Variants in LRRCC1 observed in about 807,000 individuals in gnomAD.
The protein encoded by LRRCC1 is leucine rich repeat and coiled-coil centrosomal protein 1.
A neutral mutation model predicts 126.0 loss-of-function variants in LRRCC1; 115 were observed. The observed-to-expected ratio is 0.91, with a 90% CI of 0.78 to 1.07. The LOEUF (loss-of-function observed/expected upper bound fraction) is 1.07, where lower values mean the gene tolerates loss of function less well. LRRCC1 is among the 50% of genes least tolerant of loss of function. LRRCC1 has a pLI of 0.00. For synonymous variants in LRRCC1, 400 were observed against 393.4 expected (o/e 1.02, Z -0.20); for missense variants, 1,172 against 1,175.7 (o/e 1.00, Z 0.05).
intron 18 of LRRCC1, among the ~76,000 whole-genome samples, chr8:85,142,022 G>A (rs1053464758): frequency 3.9e-5 from 6 of 152,136 alleles, no homozygotes; most frequent in African/African-American, 1.2e-4. Flanking sequence ...CAGGCCGGGC[G>A]CAGTGGCTCA....
At chr8:85,140,990 T>TGGGA (rs1162340642) in intron 17 of LRRCC1, among the ~76,000 whole-genome samples, 2 of 152,042 alleles carry the variant, frequency 1.3e-5, no homozygotes, top group Non-Finnish European at 2.9e-5. Context: ...CACTTGAACC[T>TGGGA]GGGAGCCAGA....
In LRRCC1 at chr8:85,126,752, A is replaced by G; in HGVS notation, c.1336A>G (p.Lys446Glu). The change falls in exon 9 of 19, where the codon AAA becomes GAA. Residue 446 changes from lysine to glutamate, a missense_variant. Coordinates refer to ENST00000360375, the MANE Select transcript of LRRCC1 (RefSeq NM_033402.5). ...ATGGAGAGCTGAGCAAGCCGAAAAT[A>G]AACTCATGGATTATATTGATGAGCT... ...KRWRAEQAEN[K>E]LMDYIDELHK... 2 of 1,613,248 alleles carry G rather than the reference A, an allele frequency of 1.2e-6. No homozygotes were observed. The highest frequency in any genetic ancestry group is 1.7e-6 in the Non-Finnish European group (2 of 1,179,866).
Position 85,112,833 on chromosome 8 carries a change from C to T in LRRCC1, c.377-99C>T, listed in dbSNP as rs74944182. 3.1e-3 allele frequency: 2,326 copies of T among 749,552 alleles called. 45 individuals are homozygous for T. The African/African-American group carries it at 0.037, about 12-fold the overall frequency. 46.4% of individuals were successfully genotyped at this position (749,552 alleles called of 1,614,324 possible). Reference sequence around the variant, plus strand: ...GTTCACAGCAAGATCTAATGCTGCCCGTTTGCCTCTAAAAGTATAACCTAT... The same window carrying T: ...GTTCACAGCAAGATCTAATGCTGCCTGTTTGCCTCTAAAAGTATAACCTAT... On this transcript the variant is annotated intron_variant, in intron 3 of 18. Coordinates refer to ENST00000360375, the MANE Select transcript of LRRCC1 (RefSeq NM_033402.5).
At chr8:85,115,899 T>A (rs1180727232) in intron 6 of LRRCC1, among the ~76,000 whole-genome samples, 1 of 152,226 alleles carries the variant, frequency 6.6e-6, no homozygotes, top group African/African-American at 2.4e-5. Context: ...GAGAAACTCT[T>A]TGGACTCAGT....
chr8:85,107,362 TG>T lies in LRRCC1; in HGVS notation c.68del (p.Cys23SerfsTer19). 1 of 1,613,864 alleles carries T rather than the reference TG, an allele frequency of 6.2e-7. No individual in the cohort carries two copies. The highest frequency in any genetic ancestry group is 8.5e-7 in the Non-Finnish European group (1 of 1,179,826). On this transcript the variant is annotated frameshift_variant, in exon 1 of 19. Coordinates refer to ENST00000360375, the MANE Select transcript of LRRCC1 (RefSeq NM_033402.5). LOFTEE classifies it high-confidence loss of function. ...GGAAAACGAAGACGGCGACAGCAGC[TG>T]CGGGGATGTATGCTTCATGGACAAA... is the stretch of plus-strand genomic sequence containing the variant. Reference protein sequence around the residue: ...EVENEDGDSSCGDVCFMDKGL... With the variant: ...EVENEDGDSSXGDVCFMDKGL...
At chr8:85,117,219 T>A (rs1404378906) in intron 6 of LRRCC1, among the ~76,000 whole-genome samples, 1 of 152,222 alleles carries the variant, frequency 6.6e-6, no homozygotes, top group Non-Finnish European at 1.5e-5. Flanking sequence ...ATCATTTATT[T>A]AAAAGTACTT....
Position 85,135,964 on chromosome 8 carries a change from G to A in LRRCC1, c.2329+1G>A. ...TGGGGACATGAGCTGGCACAACAAG[G>A]TAAAATTCTCAGATTTTCAAAGGGA... On this transcript the variant is annotated splice_donor_variant, in intron 14 of 18. Coordinates refer to ENST00000360375, the MANE Select transcript of LRRCC1 (RefSeq NM_033402.5). LOFTEE classifies it high-confidence loss of function. The A allele has an allele frequency of 6.4e-7, 1 of 1,552,858 alleles. No homozygotes were observed. Among genetic ancestry groups the A allele is most frequent in the Non-Finnish European group, 8.7e-7 (1 of 1,151,222 alleles).
intron 5 of LRRCC1, 43 bp downstream of exon 5, chr8:85,115,318 CA>C: frequency 6.4e-7 from 1 of 1,562,002 alleles, no homozygotes; most frequent in South Asian, 1.2e-5. Context: ...AAAATACCTT[CA>C]AATTTCAATA....
chr8:85,114,355 G>C (rs1330717059), intron 4 of LRRCC1, among the ~76,000 whole-genome samples: 1 of 151,788 alleles, frequency 6.6e-6, no homozygotes, highest in Non-Finnish European at 1.5e-5. Context: ...AGAATTGAGA[G>C]GTAACTTATT....
intron 14 of LRRCC1, among the ~76,000 whole-genome samples, chr8:85,137,137 G>T (rs929981878): frequency 6.6e-6 from 1 of 152,100 alleles, no homozygotes; most frequent in African/African-American, 2.4e-5. Flanking sequence ...AAGATATTTG[G>T]TCTTAATGGA....
At chr8:85,109,861 TC>T (rs1808564150) in intron 2 of LRRCC1, 61 bp downstream of exon 2, 5 of 855,322 alleles carry the variant, frequency 5.8e-6, no homozygotes, top group Non-Finnish European at 8.9e-6. Flanking sequence ...TCCATTTTTT[TC>T]CCCAAAAGAA....
At chr8:85,116,893 T>A (rs1193077851) in intron 6 of LRRCC1, among the ~76,000 whole-genome samples, 2 of 152,106 alleles carry the variant, frequency 1.3e-5, no homozygotes, top group African/African-American at 2.4e-5. Flanking sequence ...TCCATAGAGA[T>A]TTCAGTTTGA....
At chr8:85,140,042 G>A (rs1270435604) in intron 17 of LRRCC1, among the ~76,000 whole-genome samples, 1 of 152,070 alleles carries the variant, frequency 6.6e-6, no homozygotes, top group African/African-American at 2.4e-5. Flanking sequence ...TTTACAATTA[G>A]GAGTCTTTGA....
Position 85,141,510 on chromosome 8 carries a change from AT to A in LRRCC1, c.2972del (p.Leu991Ter). 1 of 1,602,776 alleles carries A rather than the reference AT, an allele frequency of 6.2e-7. No homozygotes were observed. ...AAGCAGAAGTGTATTGATTCTGCAA[AT>A]TTAAAGGTATTGTAAGTAAAATTCA... Reference protein sequence around the residue: ...NEKQKCIDSANLKVHQIEKEM... With the variant: ...NEKQKCIDSAXLKVHQIEKEM... On this transcript the variant is annotated frameshift_variant, in exon 18 of 19. Coordinates refer to ENST00000360375, the MANE Select transcript of LRRCC1 (RefSeq NM_033402.5). LOFTEE classifies it high-confidence loss of function.
chr8:85,126,247 A>G lies in LRRCC1; in HGVS notation c.1273-442A>G, dbSNP rs76559735. 7.5e-3 allele frequency among the ~76,000 whole-genome samples: 1,139 copies of G among 152,266 alleles called. 8 individuals carry two copies. The highest frequency in any genetic ancestry group is 0.026 in the African/African-American group (1,085 of 41,552). On this transcript the variant is annotated intron_variant, in intron 8 of 18. Coordinates refer to ENST00000360375, the MANE Select transcript of LRRCC1 (RefSeq NM_033402.5). ...CAGGCACTGTTCTGCACTTACCTAC[A>G]TGCTTTGCTACCAGTAACATAATTT...
intron 18 of LRRCC1, among the ~76,000 whole-genome samples, chr8:85,144,294 A>G (rs984587443): frequency 1.3e-5 from 2 of 151,964 alleles, no homozygotes; most frequent in Non-Finnish European, 2.9e-5. Flanking sequence ...TAAGCAGTAT[A>G]GGACTGTAGA....
intron 1 of LRRCC1, chr8:85,107,692 C>A: frequency 3.7e-6 from 1 of 267,484 alleles, no homozygotes. Flanking sequence ...ACCACTCTTT[C>A]CTTCTGCTGG....
rs1220755143 is a variant in LRRCC1 at position 85,115,558 on chromosome 8, G to A, written c.904G>A (p.Asp302Asn). ...TGAGATAAAACTTCAGAAATTAGATGACCAAATTCTACAACTTCTAAATGA... is the reference window on the plus strand; with the variant it reads ...TGAGATAAAACTTCAGAAATTAGATAACCAAATTCTACAACTTCTAAATGA... ...QNEIKLQKLD[D>N]QILQLLNETS... The change falls in exon 6 of 19, where the codon GAC (aspartate) becomes AAC (asparagine). Residue 302 changes from aspartate to asparagine, a missense_variant. Asp to Asn is a conservative substitution (Grantham distance 23, BLOSUM62 1). Coordinates refer to ENST00000360375, the MANE Select transcript of LRRCC1 (RefSeq NM_033402.5). The A allele has an allele frequency of 3.1e-6, 5 of 1,608,390 alleles. No homozygotes were observed. Among genetic ancestry groups the A allele is most frequent in the South Asian group, 1.1e-5 (1 of 90,710 alleles).
chr8:85,145,678 G>T lies in LRRCC1; in HGVS notation c.*167G>T, dbSNP rs1811631597. On this transcript the variant is annotated 3_prime_UTR_variant, in exon 19 of 19. Transcript: ENST00000360375. ...GATCAAGTATTTATTAATTGTATAG[G>T]TTTTTTATAATAAATTGTTGACAAT... 4.6e-6 allele frequency: 2 copies of T among 430,594 alleles called. No homozygotes were observed. The highest frequency in any genetic ancestry group is 3.8e-6 in the Non-Finnish European group (1 of 260,296). The allele number at this position is 430,594 out of a possible 1,614,324, so 26.7% of individuals were successfully genotyped here.
Sources: gnomAD v4.1 joint callset for allele counts (sites outside exome capture counted in the v4.1 genomes callset) on GRCh38, gnomAD v4.1.1 for gene constraint, MANE v1.5 for transcripts, NCBI Gene and HGNC (gene_info 2026-07-23, HGNC 2026-07-21) for gene names.